The following EYS variants were observed in gnomAD, a reference collection of about 807,000 sequenced individuals.
EYS encodes EGF-like photoreceptor maintenance factor.
Under a neutral mutation model 282.1 loss-of-function variants are expected in EYS, and 250 were observed. The ratio of observed to expected loss-of-function variants is 0.89; its 90% CI spans 0.80 to 0.98. EYS has a LOEUF of 0.98. Ranked by LOEUF, EYS falls within the 50% of genes least tolerant of loss-of-function variation. The pLI, the probability that EYS is intolerant of heterozygous loss-of-function variation, is 0.00. For missense variants in EYS, 4,016 were observed against 3,709.0 expected (o/e 1.08, Z -2.15); for synonymous variants, 1,355 against 1,282.9 (o/e 1.06, Z -1.20).
intron 14 of EYS, among the ~76,000 whole-genome samples, chr6:64,983,698 CTGAACATTTTCTTGA>C (rs1345925143): frequency 7.3e-5 from 11 of 151,346 alleles, no homozygotes; most frequent in African/African-American, 2.4e-4. Context: ...ACAACAGGTG[CTGAACATTTTCTTGA>C]TGAACATTTT....
At chr6:64,773,500 G>A (rs781242571) in intron 22 of EYS, among the ~76,000 whole-genome samples, 5 of 151,838 alleles carry the variant, frequency 3.3e-5, no homozygotes, top group Admixed American at 1.3e-4. Context: ...TCAATAATGG[G>A]ATTGCTGGAT....
At chr6:64,837,511 A>G (rs938122566) in intron 19 of EYS, among the ~76,000 whole-genome samples, 9 of 150,872 alleles carry the variant, frequency 6.0e-5, no homozygotes, top group African/African-American at 1.2e-4. Context: ...AATAAAAAAC[A>G]TCAAAATGAA....
At chr6:65,288,996 T>C (rs1167518058) in intron 12 of EYS, among the ~76,000 whole-genome samples, 1 of 150,272 alleles carries the variant, frequency 6.7e-6, no homozygotes, top group Non-Finnish European at 1.5e-5. Context: ...AAAGAATACA[T>C]AAAAAGGAAA....
chr6:65,366,488 T>A (rs1362256996), intron 8 of EYS, among the ~76,000 whole-genome samples: 1 of 151,818 alleles, frequency 6.6e-6, no homozygotes, highest in Non-Finnish European at 1.5e-5. Flanking sequence ...TGACTTCTTT[T>A]GTGTATTTTA....
At chr6:64,516,486 T>A (rs1446508153) in intron 26 of EYS, among the ~76,000 whole-genome samples, 2 of 151,834 alleles carry the variant, frequency 1.3e-5, no homozygotes, top group African/African-American at 2.4e-5. Context: ...ATATTTTTTT[T>A]AAATCACAAA....
Position 64,866,727 on chromosome 6 carries a change from G to T in EYS, c.2992+19970C>A, listed in dbSNP as rs981086401. On this transcript the variant is annotated intron_variant, in intron 19 of 42. Coordinates refer to ENST00000503581, the MANE Select transcript of EYS (RefSeq NM_001142800.2). ...ATTTTTGTCCAAATATATCTTTAAAGATGAAATTTGTGATTTTTTTCAATG... is the reference window on the plus strand; with the variant it reads ...ATTTTTGTCCAAATATATCTTTAAATATGAAATTTGTGATTTTTTTCAATG... Among the ~76,000 whole-genome samples the T allele has an allele frequency of 3.3e-5, 5 of 151,722 alleles. No individual in the cohort carries two copies. The East Asian group carries it at 5.8e-4, about 18-fold the overall frequency.
intron 26 of EYS, among the ~76,000 whole-genome samples, chr6:64,459,563 A>ACTT (rs1775676421): frequency 6.6e-6 from 1 of 152,206 alleles, no homozygotes; most frequent in Non-Finnish European, 1.5e-5. Flanking sequence ...AAAGTAGGGA[A>ACTT]GCCGACAGTG....
chr6:63,986,716 G>A (rs937136747), intron 34 of EYS, among the ~76,000 whole-genome samples: 2 of 151,736 alleles, frequency 1.3e-5, no homozygotes, highest in Non-Finnish European at 2.9e-5. Flanking sequence ...TTATCAGTGG[G>A]AGCTAAATGA....
intron 12 of EYS, among the ~76,000 whole-genome samples, chr6:65,283,316 A>C (rs2150277086): frequency 6.6e-6 from 1 of 151,990 alleles, no homozygotes; most frequent in South Asian, 2.1e-4. Context: ...ATGATGTTAA[A>C]CCAGATACAT....
intron 22 of EYS, among the ~76,000 whole-genome samples, chr6:64,637,055 A>C (rs1184231819): frequency 1.8e-5 from 2 of 110,234 alleles, no homozygotes; most frequent in Admixed American, 9.9e-5. Context: ...GGGATCTAGA[A>C]CTGGAAATAC....
Position 63,726,509 on chromosome 6 carries a change from C to T in EYS, c.8233+10G>A. 6.5e-7 allele frequency: 1 copy of T among 1,544,648 alleles called. No homozygotes were observed. ...ATTCATTCTGCAAACAAACAGCCTGCCAATCTTACCTGATTGGGCTTTTAA... is the reference window on the plus strand; with the variant it reads ...ATTCATTCTGCAAACAAACAGCCTGTCAATCTTACCTGATTGGGCTTTTAA... On this transcript the variant is annotated intron_variant, in intron 42 of 42. Transcript: ENST00000503581.
In EYS at chr6:64,828,131, T is replaced by C. The variant is rs113007487; in HGVS notation, c.2993-5309A>G. On this transcript the variant is annotated intron_variant, in intron 19 of 42. Coordinates refer to ENST00000503581, the MANE Select transcript of EYS (RefSeq NM_001142800.2). ...AATACAAGATGAAGAATTAATTTAA[T>C]GAGCTTATCAGTGGACTGGACATAG... Among the ~76,000 whole-genome samples, 1,176 of 152,006 alleles carry C rather than the reference T, an allele frequency of 7.7e-3. 13 individuals are homozygous for C. The highest frequency in any genetic ancestry group is 0.026 in the African/African-American group (1,093 of 41,520).
rs1326140178 is a variant in EYS at position 63,806,196 on chromosome 6, C to T, written c.7405G>A (p.Gly2469Ser). The T allele has an allele frequency of 6.4e-7, 1 of 1,551,060 alleles. No homozygotes were observed. Among genetic ancestry groups the T allele is most frequent in the Non-Finnish European group, 8.7e-7 (1 of 1,146,648 alleles). ...NNLIFFTGQKGHGLNGDDFLA... is the reference protein window; with the variant it reads ...NNLIFFTGQKSHGLNGDDFLA... Reference sequence around the variant, plus strand: ...AGGGTTCAGTTAATCTTACCATGGCCTTTCTGTCCAGTAAAAAATATCAAG... The same window carrying T: ...AGGGTTCAGTTAATCTTACCATGGCTTTTCTGTCCAGTAAAAAATATCAAG... The change falls in exon 37 of 43, where the codon GGC (glycine) becomes AGC (serine). Residue 2469 changes from glycine to serine, a missense_variant. Transcript: ENST00000503581.
At chr6:64,303,417 A>T (rs865968749) in intron 30 of EYS, among the ~76,000 whole-genome samples, 2 of 152,198 alleles carry the variant, frequency 1.3e-5, no homozygotes, top group Admixed American at 6.5e-5. Context: ...TGCTACACAC[A>T]TCTGTACTCT....
At chr6:65,013,406 TG>T (rs1010426779) in intron 13 of EYS, among the ~76,000 whole-genome samples, 3 of 151,716 alleles carry the variant, frequency 2.0e-5, no homozygotes, top group Non-Finnish European at 2.9e-5. Context: ...ACGCGGGAGG[TG>T]GGGGGCAGGT....
chr6:64,426,210 G>A (rs1190277088), intron 28 of EYS, among the ~76,000 whole-genome samples: 1 of 152,176 alleles, frequency 6.6e-6, no homozygotes, highest in East Asian at 1.9e-4. Flanking sequence ...CATGAAGGTC[G>A]TATAGAGTGA....
chr6:65,579,060 A>G (rs997088183), intron 2 of EYS, among the ~76,000 whole-genome samples: 3 of 152,148 alleles, frequency 2.0e-5, no homozygotes, highest in African/African-American at 7.2e-5. Context: ...CTCTGACTGG[A>G]TTAAGTTTTC....
At chr6:63,757,824 G>T (rs148310661) in intron 41 of EYS, among the ~76,000 whole-genome samples, 48 of 152,256 alleles carry the variant, frequency 3.2e-4, no homozygotes, top group Middle Eastern at 6.8e-3. Flanking sequence ...TCTTCGTATT[G>T]CCTGAGTAGG....
At chr6:64,361,090 T>C (rs1771986126) in intron 29 of EYS, among the ~76,000 whole-genome samples, 1 of 151,746 alleles carries the variant, frequency 6.6e-6, no homozygotes, top group South Asian at 2.1e-4. Flanking sequence ...TGACCCTTCC[T>C]GGAAAATTTT....
Sources: allele counts gnomAD v4.1 joint callset (sites outside exome capture counted in the v4.1 genomes callset), GRCh38; gene constraint gnomAD v4.1.1; transcripts MANE v1.5; gene names NCBI Gene and HGNC (gene_info 2026-07-23, HGNC 2026-07-21).